ATXN10: variants seen among roughly 807,000 people sequenced by gnomAD.
ATXN10 encodes the protein ataxin-10.
ATXN10 carries 28 observed loss-of-function variants against 52.9 expected under a neutral mutation model. That is an observed-to-expected ratio of 0.53 (90% CI 0.39 to 0.73). The LOEUF is 0.73. ATXN10 is among the 30% of genes least tolerant of loss of function. ATXN10 has a pLI of 0.00. For missense variants in ATXN10, 565 were observed against 577.0 expected (o/e 0.98, Z 0.21); for synonymous variants, 226 against 221.5 (o/e 1.02, Z -0.18).
chr22:45,793,956 G>A (rs2146868815), intron 9 of ATXN10, among the ~76,000 whole-genome samples: 1 of 152,348 alleles, frequency 6.6e-6, no homozygotes, highest in East Asian at 1.9e-4. Flanking sequence ...GCCCAGAATA[G>A]CAGCTCAGAG....
At chr22:45,721,137 TG>T (rs1443210556) in intron 6 of ATXN10, among the ~76,000 whole-genome samples, 1 of 152,174 alleles carries the variant, frequency 6.6e-6, no homozygotes, top group East Asian at 1.9e-4. Flanking sequence ...GATTACTCGG[TG>T]GGGAAATTTT....
At chr22:45,808,191 G>A (rs1928164890) in intron 10 of ATXN10, among the ~76,000 whole-genome samples, 1 of 152,148 alleles carries the variant, frequency 6.6e-6, no homozygotes, top group African/African-American at 2.4e-5. Context: ...TCATTAAAGA[G>A]TGTTGACATT....
rs1924397134 is a variant in ATXN10 at position 45,715,140 on chromosome 22, A to G, written c.648-3273A>G. Among the ~76,000 whole-genome samples the G allele has an allele frequency of 6.6e-6, 1 of 152,260 alleles. No individual in the cohort carries two copies. On this transcript the variant is annotated intron_variant, in intron 5 of 11. Transcript: ENST00000252934. This position sits in a 1 kb window ranked among gnomAD's most constrained non-coding sequence, Gnocchi z 4.4. ...TGAGGATTTTATGAACATATTGATC[A>G]AATCACATTTATTGAACATTTGTTA...
chr22:45,717,876 G>T (rs980785117), intron 5 of ATXN10, among the ~76,000 whole-genome samples: 3 of 152,130 alleles, frequency 2.0e-5, no homozygotes, highest in Admixed American at 6.5e-5. Context: ...GAAGAACTAT[G>T]CCTATAATCT....
At chr22:45,691,169 A>G (rs773882896) in intron 2 of ATXN10, among the ~76,000 whole-genome samples, 9 of 152,202 alleles carry the variant, frequency 5.9e-5, no homozygotes, top group Non-Finnish European at 1.3e-4. Context: ...CTAAAACATA[A>G]CTAGTTATAT....
At position 45,774,634 on chromosome 22, in the gene ATXN10, C is replaced by G. The variant is rs919844558; in HGVS notation, c.1174-32325C>G. Reference sequence around the variant, plus strand: ...GAGAAAGGATGTTTAATGTTTTTTACAAAATAAAGGCAGGGGGGCTGGACG... The same window carrying G: ...GAGAAAGGATGTTTAATGTTTTTTAGAAAATAAAGGCAGGGGGGCTGGACG... On this transcript the variant is annotated intron_variant, in intron 9 of 11. Coordinates refer to ENST00000252934, the MANE Select transcript of ATXN10 (RefSeq NM_013236.4). This position sits in a 1 kb window ranked among gnomAD's most constrained non-coding sequence, Gnocchi z 6.2. Among the ~76,000 whole-genome samples, 2 of 152,118 alleles carry G rather than the reference C, an allele frequency of 1.3e-5. No homozygotes were observed. The highest frequency in any genetic ancestry group is 1.9e-4 in the East Asian group (1 of 5,186).
At chr22:45,831,026 C>T (rs551243481) in intron 10 of ATXN10, among the ~76,000 whole-genome samples, 30 of 152,242 alleles carry the variant, frequency 2.0e-4, no homozygotes, top group African/African-American at 7.2e-4. Flanking sequence ...AAATATGAGT[C>T]AGCTTTAAAA....
At chr22:45,749,116 TC>T (rs1925847601) in intron 9 of ATXN10, among the ~76,000 whole-genome samples, 1 of 30,676 alleles carries the variant, frequency 3.3e-5, no homozygotes, top group South Asian at 2.6e-3. Context: ...CTAACTAGGC[TC>T]CAGGCCCTTG....
chr22:45,791,111 G>A (rs1927494209), intron 9 of ATXN10, among the ~76,000 whole-genome samples: 1 of 152,054 alleles, frequency 6.6e-6, no homozygotes, highest in Non-Finnish European at 1.5e-5. Context: ...CTCCCTCTTT[G>A]GCCTCCCAAA....
chr22:45,696,332 G>A lies in ATXN10; in HGVS notation c.391+3254G>A, dbSNP rs1033913328. Among the ~76,000 whole-genome samples the A allele has an allele frequency of 8.5e-5, 13 of 152,170 alleles. No individual in the cohort carries two copies. The highest frequency in any genetic ancestry group is 7.9e-4 in the Admixed American group (12 of 15,276). On this transcript the variant is annotated intron_variant, in intron 3 of 11. Coordinates refer to ENST00000252934, the MANE Select transcript of ATXN10 (RefSeq NM_013236.4). This position sits in a 1 kb window ranked among gnomAD's most constrained non-coding sequence, Gnocchi z 4.7. ...GTAATTGAGAAAGAAAGTTGAGAAT[G>A]TACTGTGTTTTATAATTGGTGATCC...
At position 45,772,333 on chromosome 22, in the gene ATXN10, C is replaced by A. The variant is rs922605428; in HGVS notation, c.1173+31795C>A. On this transcript the variant is annotated intron_variant, in intron 9 of 11. Transcript: ENST00000252934. The surrounding 1 kb of genome is among the most constrained non-coding windows in gnomAD (Gnocchi z 4.1). ...AGCAGCATTTGTTAAAAAGACTATCCTTTTTTGTTCATTGAATTGCTTTTG... is the reference window on the plus strand; with the variant it reads ...AGCAGCATTTGTTAAAAAGACTATCATTTTTTGTTCATTGAATTGCTTTTG... 6.6e-6 allele frequency among the ~76,000 whole-genome samples: 1 copy of A among 152,108 alleles called. No homozygotes were observed. The highest frequency in any genetic ancestry group is 2.4e-5 in the African/African-American group (1 of 41,418).
chr22:45,837,442 T>G lies in ATXN10; in HGVS notation c.1238-5549T>G, dbSNP rs1178790136. ...ACGCCCAGCTGATTTTTTTGTATAT[T>G]TAGTAGAGATGGGGTTTTACCATGT... On this transcript the variant is annotated intron_variant, in intron 10 of 11. Coordinates refer to ENST00000252934, the MANE Select transcript of ATXN10 (RefSeq NM_013236.4). The surrounding 1 kb of genome is among the most constrained non-coding windows in gnomAD (Gnocchi z 5.8). 3.9e-5 allele frequency among the ~76,000 whole-genome samples: 6 copies of G among 152,004 alleles called. No homozygotes were observed. In the East Asian group the frequency reaches 1.2e-3, roughly 29 times the overall value.
intron 1 of ATXN10, among the ~76,000 whole-genome samples, chr22:45,682,618 T>G (rs1922973200): frequency 6.6e-6 from 1 of 152,154 alleles, no homozygotes; most frequent in African/African-American, 2.4e-5. Flanking sequence ...CTTAGCTAGA[T>G]TTTTCTCCTG....
rs1304500202 is a variant in ATXN10 at position 45,805,799 on chromosome 22, A to G, written c.1174-1160A>G. ...TGCTAATGGTTATATAACTCTGTGA[A>G]TATACTGAAAACCACCAAATTGCAC... is the stretch of plus-strand genomic sequence containing the variant. On this transcript the variant is annotated intron_variant, in intron 9 of 11. Coordinates refer to ENST00000252934, the MANE Select transcript of ATXN10 (RefSeq NM_013236.4). This position sits in a 1 kb window ranked among gnomAD's most constrained non-coding sequence, Gnocchi z 4.4. Among the ~76,000 whole-genome samples the G allele has an allele frequency of 6.6e-6, 1 of 152,196 alleles. No homozygotes were observed. The highest frequency in any genetic ancestry group is 1.5e-5 in the Non-Finnish European group (1 of 68,030).
chr22:45,799,361 A>G (rs1488047872), intron 9 of ATXN10, among the ~76,000 whole-genome samples: 4 of 152,194 alleles, frequency 2.6e-5, no homozygotes, highest in African/African-American at 7.2e-5. Context: ...CTAAACCCCA[A>G]TACCTTACAA....
chr22:45,672,387 C>T, intron 1 of ATXN10: 1 of 356,546 alleles, frequency 2.8e-6, no homozygotes, highest in African/African-American at 2.2e-5. Flanking sequence ...GGGGCGGGCG[C>T]CCCGCTCCCC....
intron 1 of ATXN10, chr22:45,676,402 C>G (rs1425618892): frequency 6.6e-6 from 1 of 151,952 alleles, no homozygotes; most frequent in African/African-American, 2.4e-5. Flanking sequence ...TAGCCACTAG[C>G]TACATGTAGC....
At chr22:45,834,051 G>A (rs964822256) in intron 10 of ATXN10, among the ~76,000 whole-genome samples, 3 of 152,194 alleles carry the variant, frequency 2.0e-5, no homozygotes, top group African/African-American at 7.2e-5. Flanking sequence ...TTCACACTTA[G>A]AACAGCCCCT....
At chr22:45,806,375 G>C (rs1341749719) in intron 9 of ATXN10, among the ~76,000 whole-genome samples, 1 of 152,020 alleles carries the variant, frequency 6.6e-6, no homozygotes, top group Non-Finnish European at 1.5e-5. Flanking sequence ...TATCTCACCT[G>C]TTTTTCTATT....
Sources: allele counts gnomAD v4.1 joint callset (sites outside exome capture counted in the v4.1 genomes callset), GRCh38; gene constraint gnomAD v4.1.1; non-coding constraint Gnocchi (gnomAD v3.1); transcripts MANE v1.5; gene names NCBI Gene and HGNC (gene_info 2026-07-23, HGNC 2026-07-21).